The following PAK1IP1 variants were observed in gnomAD, a reference collection of about 807,000 sequenced individuals.
The protein encoded by PAK1IP1 is PAK1 interacting protein 1, also known as p21-activated protein kinase-interacting protein 1.
In PAK1IP1, 24 loss-of-function variants were observed where a neutral mutation model predicts 42.0. That is an observed-to-expected ratio of 0.57 (90% confidence interval 0.41 to 0.80). PAK1IP1 has a LOEUF of 0.80. Ranked by LOEUF, PAK1IP1 falls within the 30% of genes least tolerant of loss-of-function variation. PAK1IP1 has a pLI of 0.00. For synonymous variants in PAK1IP1, 154 were observed against 156.7 expected (o/e 0.98, Z 0.13); for missense variants, 411 against 467.9 (o/e 0.88, Z 1.12).
At chr6:10,694,557 C>A (rs533322284), upstream of PAK1IP1, 52 of 169,462 alleles carry the variant, frequency 3.1e-4, no homozygotes, top group African/African-American at 1.1e-3. Flanking sequence ...CCTACTAGTA[C>A]ACAGCCCACA....
intron 2 of PAK1IP1, 152 bp from the exon 3 acceptor site, chr6:10,702,217 G>A (rs1256761937): frequency 1.1e-5 from 7 of 629,738 alleles, no homozygotes; most frequent in Non-Finnish European, 1.9e-5. Flanking sequence ...TTCAGCCTGG[G>A]TAACAAGAGT....
At position 10,702,501 on chromosome 6, in the gene PAK1IP1, T is replaced by A. The variant is rs1434643033; in HGVS notation, c.368+12T>A. Reference sequence around the variant, plus strand: ...ATTAAAGCTCACAAGTGAGTCGGGCTCTTTCCCTTTGGCATTCTCGATGTG... The same window carrying A: ...ATTAAAGCTCACAAGTGAGTCGGGCACTTTCCCTTTGGCATTCTCGATGTG... On this transcript the variant is annotated intron_variant, in intron 3 of 9. Transcript: ENST00000379568. 1 of 1,614,188 alleles carries A rather than the reference T, an allele frequency of 6.2e-7. No individual in the cohort carries two copies. Among genetic ancestry groups the A allele is most frequent in the African/African-American group, 1.3e-5 (1 of 75,050 alleles).
chr6:10,693,247 G>A (rs2127475076), upstream of PAK1IP1, among the ~76,000 whole-genome samples: 1 of 152,346 alleles, frequency 6.6e-6, no homozygotes, highest in Non-Finnish European at 1.5e-5. Flanking sequence ...GGACAAATAT[G>A]TCTGCTTTTC....
rs753482373 is a variant in PAK1IP1 at position 10,704,531 on chromosome 6, C to T, written c.521C>T (p.Pro174Leu). ...GATGCTCACATAGTAGAATGGTCCC[C>T]AAGAGGAGAGCAGTATGTAGTTATC... Reference protein sequence around the residue: ...KQNAHIVEWSPRGEQYVVIIQ... With the variant: ...KQNAHIVEWSLRGEQYVVIIQ... Residue 174 changes from proline to leucine, a missense_variant, in exon 6 of 10, where the codon CCA (proline) becomes CTA (leucine). By Grantham distance (98) the Pro-to-Leu change is moderately conservative. Coordinates refer to ENST00000379568, the MANE Select transcript of PAK1IP1 (RefSeq NM_017906.3). 1 of 1,597,674 alleles carries T rather than the reference C, an allele frequency of 6.3e-7. No individual in the cohort carries two copies.
chr6:10,706,023 C>T (rs1040615481), intron 7 of PAK1IP1, among the ~76,000 whole-genome samples: 2 of 152,072 alleles, frequency 1.3e-5, no homozygotes, highest in African/African-American at 2.4e-5. Flanking sequence ...AAATACTACA[C>T]GAAGTATTTA....
At chr6:10,709,188 TCAAA>T in intron 9 of PAK1IP1, 46 bp from the exon 10 acceptor site, 2 of 1,542,688 alleles carry the variant, frequency 1.3e-6, no homozygotes, top group Non-Finnish European at 1.8e-6. Context: ...TTTATTTCAT[TCAAA>T]GGGGAAAACA....
intron 5 of PAK1IP1, 72 bp from the exon 6 acceptor site, chr6:10,704,435 C>A: frequency 1.2e-6 from 1 of 826,048 alleles, no homozygotes; most frequent in Non-Finnish European, 1.9e-6. Flanking sequence ...TAAATATTTG[C>A]TATTTTTATT....
chr6:10,693,752 G>A (rs1769569234), upstream of PAK1IP1, among the ~76,000 whole-genome samples: 1 of 152,004 alleles, frequency 6.6e-6, no homozygotes, highest in Non-Finnish European at 1.5e-5. Flanking sequence ...TTCTTTGAAA[G>A]GGGGCCTGGC....
intron 2 of PAK1IP1, among the ~76,000 whole-genome samples, chr6:10,700,890 C>T (rs1770006876): frequency 1.3e-5 from 2 of 151,858 alleles, no homozygotes; most frequent in South Asian, 2.1e-4. Flanking sequence ...CGTAGGTAAA[C>T]GTCCCATGGT....
In PAK1IP1 at chr6:10,706,106, AAGCAGAT is replaced by A. The variant is rs1490434594; in HGVS notation, c.740+1263_740+1269del. Among the ~76,000 whole-genome samples, 4 of 152,326 alleles carry A rather than the reference AAGCAGAT, an allele frequency of 2.6e-5. No homozygotes were observed. The East Asian group carries it at 7.7e-4, about 29-fold the overall frequency. On this transcript the variant is annotated intron_variant, in intron 7 of 9. Transcript: ENST00000379568. Reference sequence around the variant, plus strand: ...TATAAGGAGGCAATAGATTATAAGCAAGCAGATCATTATAACAGGATGGAAATAGAAA... The same window carrying A: ...TATAAGGAGGCAATAGATTATAAGCACATTATAACAGGATGGAAATAGAAA...
chr6:10,709,500 T>C lies in PAK1IP1; in HGVS notation c.*48T>C, dbSNP rs1054174198. On this transcript the variant is annotated 3_prime_UTR_variant, in exon 10 of 10. Transcript: ENST00000379568. ...ACTCTTTTAGATGAAATCATTCTAC[T>C]CAAATGTACCTTAATTTTTTTTTTT... 8.1e-7 allele frequency: 1 copy of C among 1,238,052 alleles called. No individual in the cohort carries two copies. The highest frequency in any genetic ancestry group is 2.8e-5 in the Admixed American group (1 of 35,704). 76.7% of individuals were successfully genotyped at this position (1,238,052 alleles called of 1,614,324 possible).
In PAK1IP1 at chr6:10,695,534, G is replaced by A. The variant is rs193168789; in HGVS notation, c.84+465G>A. On this transcript the variant is annotated intron_variant, in intron 1 of 9. Coordinates refer to ENST00000379568, the MANE Select transcript of PAK1IP1 (RefSeq NM_017906.3). ...TTATGGCGAGCTGGGCGGTGGAGAT[G>A]CAAAGATGCTGGAGGTATGGATCTT... 5.6e-4 allele frequency among the ~76,000 whole-genome samples: 85 copies of A among 152,334 alleles called. 1 individual carries two copies. The highest frequency in any genetic ancestry group is 1.9e-3 in the African/African-American group (79 of 41,566).
chr6:10,703,256 T>C, intron 4 of PAK1IP1, 149 bp from the exon 5 acceptor site: 1 of 605,008 alleles, frequency 1.7e-6, no homozygotes, highest in Non-Finnish European at 3.0e-6. Context: ...CCTCATAATA[T>C]TTCAAAATAT....
chr6:10,694,909 T>TG (rs1769738634), upstream of PAK1IP1: 7 of 888,432 alleles, frequency 7.9e-6, no homozygotes, highest in South Asian at 3.4e-5. Flanking sequence ...AGGTGTTTTT[T>TG]TTTTTTTTTT....
In PAK1IP1 at chr6:10,695,080, G is replaced by A. The variant is rs1478814332; in HGVS notation, c.84+11G>A. On this transcript the variant is annotated intron_variant, in intron 1 of 9. Transcript: ENST00000379568. ...TGCGGCGACCACGAGGTGAGATACC[G>A]CGTAGTTAGAGACAGTCGGAGGCGG... The A allele has an allele frequency of 6.4e-7, 1 of 1,571,028 alleles. No individual in the cohort carries two copies. Among genetic ancestry groups the A allele is most frequent in the East Asian group, 2.2e-5 (1 of 44,710 alleles).
At chr6:10,694,903 GTTTTTT>G, upstream of PAK1IP1, 61 of 621,742 alleles carry the variant, frequency 9.8e-5, no homozygotes, top group South Asian at 2.0e-4. Context: ...GGAGTCAGGT[GTTTTTT>G]TTTTTTTTTT....
upstream of PAK1IP1, chr6:10,694,607 G>GAT: frequency 1.0e-5 from 2 of 197,414 alleles, no homozygotes; most frequent in Non-Finnish European, 2.2e-5. Context: ...TAAGCAACCG[G>GAT]CCGGAAGTCG....
intron 2 of PAK1IP1, 90 bp from the exon 3 acceptor site, chr6:10,702,279 G>A (rs1224088289): frequency 9.7e-7 from 1 of 1,029,446 alleles, no homozygotes; most frequent in Non-Finnish European, 1.4e-6. Context: ...GGTATTGAGT[G>A]TTTTACTTAG....
At chr6:10,692,997 T>G (rs1769480220), upstream of PAK1IP1, among the ~76,000 whole-genome samples, 7 of 152,226 alleles carry the variant, frequency 4.6e-5, no homozygotes, top group Admixed American at 4.6e-4. Context: ...TGTTAAAGAA[T>G]AAATCATAAA....
Sources: allele counts gnomAD v4.1 joint callset (sites outside exome capture counted in the v4.1 genomes callset), GRCh38; gene constraint gnomAD v4.1.1; transcripts MANE v1.5; gene names NCBI Gene and HGNC (gene_info 2026-07-23, HGNC 2026-07-21).